The following VAMP3 variants were observed in gnomAD, a reference collection of about 807,000 sequenced individuals.
The protein encoded by VAMP3 is vesicle associated membrane protein 3, also known as vesicle-associated membrane protein 3.
A neutral mutation model predicts 18.1 loss-of-function variants in VAMP3; 11 were observed. The ratio of observed to expected loss-of-function variants is 0.61; its 90% CI spans 0.38 to 1.00. VAMP3 has a LOEUF of 1.00. VAMP3 is among the 50% of genes least tolerant of loss of function. The probability of loss-of-function intolerance (pLI) is 0.01; values close to 1 mark genes in which losing one functional copy is unlikely to be tolerated. For synonymous variants in VAMP3, 49 were observed against 43.1 expected (o/e 1.14, Z -0.53); for missense variants, 122 against 127.3 (o/e 0.96, Z 0.20).
At chr1:7,775,023 A>G (rs181882557) in intron 2 of VAMP3, among the ~76,000 whole-genome samples, 2 of 152,344 alleles carry the variant, frequency 1.3e-5, no homozygotes, top group African/African-American at 4.8e-5. Flanking sequence ...CCCACCAGCA[A>G]TGTCCAAGAG....
At chr1:7,773,357 G>A in intron 1 of VAMP3, 85 bp from the exon 2 acceptor site, 1 of 1,074,706 alleles carries the variant, frequency 9.3e-7, no homozygotes, top group Non-Finnish European at 1.4e-6. Flanking sequence ...TGTTAACAGT[G>A]AGAGTCCCGG....
At chr1:7,773,288 C>T (rs940535332) in intron 1 of VAMP3, 154 bp from the exon 2 acceptor site, 6 of 619,606 alleles carry the variant, frequency 9.7e-6, no homozygotes, top group African/African-American at 1.9e-5. Context: ...GCAATTAAAA[C>T]TTTCGTTCAT....
chr1:7,775,929 A>T (rs920715058), intron 2 of VAMP3, among the ~76,000 whole-genome samples: 3 of 152,220 alleles, frequency 2.0e-5, no homozygotes, highest in African/African-American at 4.8e-5. Flanking sequence ...CTGTTTATTG[A>T]AAAGACTGTT....
intron 1 of VAMP3, chr1:7,772,796 A>T (rs1158896232): frequency 6.6e-6 from 1 of 152,494 alleles, no homozygotes; most frequent in African/African-American, 2.4e-5. Context: ...GACTGAGGCA[A>T]GAGAATTGCT....
At chr1:7,776,230 G>A (rs1483958890) in intron 2 of VAMP3, among the ~76,000 whole-genome samples, 1 of 152,150 alleles carries the variant, frequency 6.6e-6, no homozygotes, top group African/African-American at 2.4e-5. Context: ...TGTCCAAGTC[G>A]TTCACCTTTT....
rs1007004508 is a variant in VAMP3, at chr1:7,771,304, C to G, written c.-80C>G. The G allele has an allele frequency of 2.6e-6, 4 of 1,562,950 alleles. No individual in the cohort carries two copies. The highest frequency in any genetic ancestry group is 3.5e-6 in the Non-Finnish European group (4 of 1,156,128). On this transcript the variant is annotated 5_prime_UTR_variant, in exon 1 of 5. Coordinates refer to ENST00000054666, the MANE Select transcript of VAMP3 (RefSeq NM_004781.4). ...TTGCCCCGCGCCGCGCCGTCCCACCCATCTCCCTGGCCTCCGGTCCCAACT... is the reference window on the plus strand; with the variant it reads ...TTGCCCCGCGCCGCGCCGTCCCACCGATCTCCCTGGCCTCCGGTCCCAACT...
intron 2 of VAMP3, among the ~76,000 whole-genome samples, chr1:7,775,326 T>C (rs961624852): frequency 2.0e-5 from 3 of 152,034 alleles, no homozygotes; most frequent in African/African-American, 2.4e-5. Flanking sequence ...GCTTGTCTTT[T>C]ACATTTTTTT....
chr1:7,778,518 A>G (rs1042618820), intron 4 of VAMP3, among the ~76,000 whole-genome samples: 2 of 151,876 alleles, frequency 1.3e-5, no homozygotes, highest in Non-Finnish European at 2.9e-5. Flanking sequence ...TGGGTGACAG[A>G]GTGAGACCTT....
rs766673944 is a variant in VAMP3, at chr1:7,778,102, ATATGT to A, written c.232-14_232-10del. ...TCTGCATTTGAAATGTGATATGGAC[ATATGT>A]TTTGTTACAGATGTGGGCAATCGGG... On this transcript the variant is annotated splice_polypyrimidine_tract_variant and intron_variant, in intron 3 of 4. Transcript: ENST00000054666. 2.5e-6 allele frequency: 4 copies of A among 1,613,962 alleles called. No homozygotes were observed. In the South Asian group the frequency reaches 4.4e-5, roughly 18 times the overall value.
Position 7,771,351 on chromosome 1 carries a change from C to T in VAMP3, c.-33C>T, listed in dbSNP as rs768115099. On this transcript the variant is annotated 5_prime_UTR_variant, in exon 1 of 5. Coordinates refer to ENST00000054666, the MANE Select transcript of VAMP3 (RefSeq NM_004781.4). ...AACTTCGCTTCTCTGCTGACCCTCT[C>T]TCGTCGCCGCTGCCGCCGCCGCAGC... The T allele has an allele frequency of 1.3e-6, 2 of 1,592,972 alleles. No individual in the cohort carries two copies. Among genetic ancestry groups the T allele is most frequent in the East Asian group, 2.4e-5 (1 of 42,402 alleles).
intron 2 of VAMP3, 129 bp downstream of exon 2, chr1:7,773,640 CTT>C: frequency 2.3e-6 from 2 of 880,100 alleles, no homozygotes; most frequent in Non-Finnish European, 3.5e-6. Flanking sequence ...TGTAACGAAA[CTT>C]TGCTCCCTGC....
chr1:7,773,506 G>A lies in VAMP3; in HGVS notation c.67G>A (p.Asp23Asn), dbSNP rs752334689. Residue 23 changes from aspartate (D) to asparagine (N), a missense_variant, in exon 2 of 5, where the codon GAT (aspartate) becomes AAT (asparagine). Asp to Asn is a conservative substitution (Grantham distance 23). Transcript: ENST00000054666. ...RRLQQTQNQVDEVVDIMRVNV... is the reference protein window; with the variant it reads ...RRLQQTQNQVNEVVDIMRVNV... ...ACTTCAGCAGACACAAAATCAAGTA[G>A]ATGAGGTATTGCTCTGAAATGTTGG... 3.1e-6 allele frequency: 5 copies of A among 1,613,744 alleles called. No individual in the cohort carries two copies. The African/African-American group carries it at 4.0e-5, about 13-fold the overall frequency.
intron 3 of VAMP3, 90 bp from the exon 4 acceptor site, chr1:7,778,028 T>C: frequency 1.4e-6 from 2 of 1,419,692 alleles, no homozygotes; most frequent in Non-Finnish European, 2.0e-6. Context: ...AATTTCCCTT[T>C]CAGTGACTAG....
Position 7,771,311 on chromosome 1 carries a change from C to T in VAMP3, c.-73C>T, listed in dbSNP as rs1451917277. 2 of 1,577,962 alleles carry T rather than the reference C, an allele frequency of 1.3e-6. No individual in the cohort carries two copies. The highest frequency in any genetic ancestry group is 1.7e-5 in the Admixed American group (1 of 57,498). On this transcript the variant is annotated 5_prime_UTR_variant, in exon 1 of 5. Coordinates refer to ENST00000054666, the MANE Select transcript of VAMP3 (RefSeq NM_004781.4). ...GCGCCGCGCCGTCCCACCCATCTCCCTGGCCTCCGGTCCCAACTTCGCTTC... is the reference window on the plus strand; with the variant it reads ...GCGCCGCGCCGTCCCACCCATCTCCTTGGCCTCCGGTCCCAACTTCGCTTC...
chr1:7,775,075 T>G (rs1195018939), intron 2 of VAMP3, among the ~76,000 whole-genome samples: 1 of 152,356 alleles, frequency 6.6e-6, no homozygotes, highest in East Asian at 1.9e-4. Context: ...GTTTTCCATT[T>G]TGATTATAAC....
At chr1:7,779,135 C>T (rs2097055815) in intron 4 of VAMP3, among the ~76,000 whole-genome samples, 3 of 152,082 alleles carry the variant, frequency 2.0e-5, no homozygotes, top group African/African-American at 7.2e-5. Flanking sequence ...GCGGAGCTTG[C>T]AGTGAGCCAA....
intron 2 of VAMP3, among the ~76,000 whole-genome samples, chr1:7,776,136 G>A (rs1368490453): frequency 6.6e-6 from 1 of 152,168 alleles, no homozygotes; most frequent in Non-Finnish European, 1.5e-5. Context: ...GCAATATTAA[G>A]TCTTCCAGTG....
At chr1:7,779,093 G>A (rs1012063545) in intron 4 of VAMP3, among the ~76,000 whole-genome samples, 1 of 152,156 alleles carries the variant, frequency 6.6e-6, no homozygotes, top group Non-Finnish European at 1.5e-5. Context: ...TACTGGGGAG[G>A]CTGAGGCAGG....
rs2097056677 is a variant in VAMP3, at chr1:7,780,701, G to A, written c.*1056G>A. Reference sequence around the variant, plus strand: ...GATCATTATCTGGCCCAAATATGAAGATAAACTATAACTTTGGAGTTTGTT... The same window carrying A: ...GATCATTATCTGGCCCAAATATGAAAATAAACTATAACTTTGGAGTTTGTT... On this transcript the variant is annotated 3_prime_UTR_variant, in exon 5 of 5. Transcript: ENST00000054666. 1 of 152,282 alleles carries A rather than the reference G, an allele frequency of 6.6e-6. No individual in the cohort carries two copies. The highest frequency in any genetic ancestry group is 1.5e-5 in the Non-Finnish European group (1 of 68,030). The allele number at this position is 152,282 out of a possible 1,614,324, so 9.4% of individuals were successfully genotyped here.
Sources: gnomAD v4.1 joint callset for allele counts (sites outside exome capture counted in the v4.1 genomes callset) on GRCh38, gnomAD v4.1.1 for gene constraint, MANE v1.5 for transcripts, NCBI Gene and HGNC (gene_info 2026-07-23, HGNC 2026-07-21) for gene names.